The following COLEC10 variants were observed in gnomAD, a reference collection of about 807,000 sequenced individuals.
The protein encoded by COLEC10 is collectin subfamily member 10.
In COLEC10, 22 loss-of-function variants were observed where a neutral mutation model predicts 28.4. The ratio of observed to expected loss-of-function variants is 0.78; its 90% CI spans 0.55 to 1.11. COLEC10 has a LOEUF of 1.11. COLEC10 is among the 50% of genes least tolerant of loss of function. The probability of loss-of-function intolerance (pLI) is 0.00; values close to 1 mark genes in which losing one functional copy is unlikely to be tolerated. For synonymous variants in COLEC10, 125 were observed against 116.1 expected, an observed-to-expected ratio of 1.08 and a Z score of -0.49; for missense variants, 361 against 344.1, an observed-to-expected ratio of 1.05 and a Z score of -0.39.
chr8:119,102,592 A>G, intron 4 of COLEC10, 191 bp downstream of exon 4: 2 of 520,160 alleles, frequency 3.8e-6, no homozygotes, highest in Non-Finnish European at 6.7e-6. Context: ...CCTTGGGGAC[A>G]GGGATGATGA....
chr8:118,965,660 A>G, the COLEC10 span, among the ~76,000 whole-genome samples: 1 of 151,982 alleles, frequency 6.6e-6, no homozygotes, highest in Non-Finnish European at 1.5e-5. Context: ...GCAGGGAAGA[A>G]GTAAGTAGAG....
chr8:119,019,225 A>G (rs899669486), intron 2 of COLEC10, among the ~76,000 whole-genome samples: 7 of 152,182 alleles, frequency 4.6e-5, no homozygotes, highest in Admixed American at 3.9e-4. Flanking sequence ...AGTTGAAACA[A>G]TATTCACAGT....
At chr8:119,039,316 T>C (rs1040903597) in intron 2 of COLEC10, among the ~76,000 whole-genome samples, 3 of 152,284 alleles carry the variant, frequency 2.0e-5, no homozygotes, top group African/African-American at 7.2e-5. Context: ...TCCCAGTCCG[T>C]CCTGTTCACT....
chr8:119,094,500 A>G (rs1302915002), intron 3 of COLEC10, among the ~76,000 whole-genome samples: 1 of 152,298 alleles, frequency 6.6e-6, no homozygotes. Context: ...ATATTTAAAT[A>G]CATATCTGAA....
intron 1 of COLEC10, among the ~76,000 whole-genome samples, chr8:119,085,406 A>T (rs1815454080): frequency 6.6e-6 from 1 of 152,032 alleles, no homozygotes; most frequent in East Asian, 1.9e-4. Flanking sequence ...TGTATGTAAG[A>T]GGTATGGGGC....
intron 1 of COLEC10, among the ~76,000 whole-genome samples, chr8:119,000,692 A>G (rs77436181): frequency 0.012 from 1,827 of 152,302 alleles, 35 homozygotes; most frequent in African/African-American, 0.041. Flanking sequence ...TTAATTGGGT[A>G]TATTAATAGT....
At chr8:119,092,418 G>A (rs1815626509) in intron 3 of COLEC10, among the ~76,000 whole-genome samples, 1 of 152,062 alleles carries the variant, frequency 6.6e-6, no homozygotes, top group Non-Finnish European at 1.5e-5. Context: ...AACAGAGATA[G>A]TCTCCTCTGT....
chr8:119,053,503 G>A (rs1487697748), intron 2 of COLEC10, among the ~76,000 whole-genome samples: 1 of 152,092 alleles, frequency 6.6e-6, no homozygotes, highest in Non-Finnish European at 1.5e-5. Flanking sequence ...GATTGCATTT[G>A]AGTTAGTGAG....
the COLEC10 span, among the ~76,000 whole-genome samples, chr8:118,985,775 C>A: frequency 3.3e-5 from 5 of 152,040 alleles, no homozygotes; most frequent in Non-Finnish European, 7.4e-5. Flanking sequence ...GAGTCAAAAG[C>A]ATAGCTCCAA....
chr8:119,042,816 A>T (rs1814522739), intron 2 of COLEC10, among the ~76,000 whole-genome samples: 1 of 152,230 alleles, frequency 6.6e-6, no homozygotes, highest in Admixed American at 6.5e-5. Flanking sequence ...GATTATGTAT[A>T]TAAAAATCCT....
intron 2 of COLEC10, 96 bp downstream of exon 2, chr8:119,089,847 C>T (rs1815554457): frequency 1.1e-6 from 1 of 926,002 alleles, no homozygotes; most frequent in African/African-American, 1.7e-5. Flanking sequence ...TTCATAATGC[C>T]CTCTGCCCCA....
intron 1 of COLEC10, among the ~76,000 whole-genome samples, chr8:119,006,122 G>T (rs963866701): frequency 3.9e-5 from 6 of 152,048 alleles, no homozygotes; most frequent in African/African-American, 1.4e-4. Context: ...TGACTCAGAT[G>T]TCTCTTACTG....
the COLEC10 span, among the ~76,000 whole-genome samples, chr8:118,973,760 T>G: frequency 2.0e-5 from 3 of 152,020 alleles, no homozygotes; most frequent in South Asian, 6.2e-4. Context: ...TTACTCTTTT[T>G]TGTTCATGTA....
chr8:118,991,360 G>A (rs547979675), upstream of COLEC10, among the ~76,000 whole-genome samples: 1 of 152,252 alleles, frequency 6.6e-6, no homozygotes, highest in African/African-American at 2.4e-5. Flanking sequence ...GATCGAATGA[G>A]ATACGACCAG....
chr8:119,102,674 G>C, intron 4 of COLEC10: 1 of 337,354 alleles, frequency 3.0e-6, no homozygotes, highest in Non-Finnish European at 5.3e-6. Flanking sequence ...AATTCTTCTG[G>C]GCCAAGAGAA....
At chr8:119,033,929 G>T (rs141650390) in intron 2 of COLEC10, among the ~76,000 whole-genome samples, 8,205 of 152,154 alleles carry the variant, frequency 0.054, 279 homozygotes, top group South Asian at 0.15. Flanking sequence ...TTACTATAAA[G>T]ACACATGCAC....
At chr8:119,005,008 T>C (rs912912906) in intron 1 of COLEC10, among the ~76,000 whole-genome samples, 10 of 152,210 alleles carry the variant, frequency 6.6e-5, no homozygotes, top group Non-Finnish European at 1.0e-4. Context: ...GGTATGATCA[T>C]GTTATTTCCA....
At chr8:119,070,618 T>A (rs903157992) in intron 1 of COLEC10, among the ~76,000 whole-genome samples, 7 of 148,858 alleles carry the variant, frequency 4.7e-5, no homozygotes, top group Non-Finnish European at 1.0e-4. Context: ...TCTCTCTTTT[T>A]TTCTCCCTCT....
rs954300956 is a variant in COLEC10, at chr8:119,036,247, A to G, written n.235+26694A>G. ...TTTATGTACAGACTTAATTATATGT[A>G]TATTATTTCTTTTACACAAACAGGT... On this transcript the variant is annotated intron_variant and non_coding_transcript_variant, in intron 2 of 6. Coordinates refer to the COLEC10 transcript ENST00000521788. Among the ~76,000 whole-genome samples the G allele has an allele frequency of 5.9e-5, 9 of 152,216 alleles. No individual in the cohort carries two copies. In the South Asian group the frequency reaches 1.9e-3, roughly 32 times the overall value.
Sources: gnomAD v4.1 joint callset for allele counts (sites outside exome capture counted in the v4.1 genomes callset) on GRCh38, gnomAD v4.1.1 for gene constraint, MANE v1.5 for transcripts, NCBI Gene and HGNC (gene_info 2026-07-23, HGNC 2026-07-21) for gene names.